MME: variants seen among roughly 807,000 people sequenced by gnomAD.
The protein encoded by MME is neprilysin.
A neutral mutation model predicts 113.2 loss-of-function variants in MME; 98 were observed. That is an observed-to-expected ratio of 0.87 (90% CI 0.74 to 1.02). The LOEUF (loss-of-function observed/expected upper bound fraction) is 1.02. Among genes scored for constraint, MME ranks in the 50% least tolerant of loss-of-function variants. The probability of loss-of-function intolerance (pLI) is 0.00; values close to 1 mark genes in which losing one functional copy is unlikely to be tolerated. For synonymous variants in MME, 292 were observed against 300.6 expected (o/e 0.97, Z 0.30); for missense variants, 836 against 896.0 (o/e 0.93, Z 0.86).
intron 1 of MME, among the ~76,000 whole-genome samples, chr3:155,028,065 T>G (rs1431999602): frequency 4.6e-5 from 7 of 152,160 alleles, no homozygotes; most frequent in Admixed American, 4.6e-4. Flanking sequence ...GGGAATGGAC[T>G]CAGTGAAAGG....
chr3:155,183,436 C>G lies in MME; in HGVS notation c.*2977C>G, dbSNP rs1275733389. 1.3e-5 allele frequency: 2 copies of G among 152,162 alleles called. No individual in the cohort carries two copies. Among genetic ancestry groups the G allele is most frequent in the Non-Finnish European group, 2.9e-5 (2 of 68,036 alleles). The allele number at this position is 152,162 out of a possible 1,614,324, so 9.4% of individuals were successfully genotyped here. The stretch of plus-strand genomic sequence containing the variant: ...ATTTACGTGTCTGAATCGAGTGAGA[C>G]AAAATTTTAGTCCAAATAACAAGTA... On this transcript the variant is annotated 3_prime_UTR_variant, in exon 23 of 23. Coordinates refer to ENST00000360490, the MANE Select transcript of MME (RefSeq NM_007289.4).
At chr3:155,048,461 T>C (rs1457782097) in intron 1 of MME, among the ~76,000 whole-genome samples, 1 of 152,152 alleles carries the variant, frequency 6.6e-6, no homozygotes, top group Non-Finnish European at 1.5e-5. Context: ...TGGGTTGTAG[T>C]AGGATTATTT....
In MME at chr3:155,115,071, T is replaced by C. The variant is rs1427426772; in HGVS notation, c.274T>C (p.Leu92=). 2 of 1,614,166 alleles carry C rather than the reference T, an allele frequency of 1.2e-6. No individual in the cohort carries two copies. The highest frequency in any genetic ancestry group is 1.3e-5 in the African/African-American group (1 of 75,048). The change falls in exon 4 of 23, where the codon TTG becomes CTG. Residue 92 remains leucine, a synonymous_variant. Transcript: ENST00000360490. ...DFFKYACGGW[L]KRNVIPETSS... ...TTTCAAATATGCTTGCGGAGGCTGG[T>C]TGAAACGTAATGTCATTCCCGAGAC...
rs1720959160 is a variant in MME at position 155,140,253 on chromosome 3, C to T, written c.918C>T (p.Ala306=). Reference sequence around the variant, plus strand: ...TTCTGTATAACAAGATGACATTGGCCCAGATCCAAAATAACTTTTCACTAG... The same window carrying T: ...TTCTGTATAACAAGATGACATTGGCTCAGATCCAAAATAACTTTTCACTAG... ...PMLLYNKMTL[A]QIQNNFSLEI... is the part of the protein sequence containing the mutation. The change falls in exon 10 of 23, where the codon GCC becomes GCT. Residue 306 remains alanine, a synonymous_variant. Transcript: ENST00000360490. 8.7e-6 allele frequency: 14 copies of T among 1,612,642 alleles called. No individual in the cohort carries two copies. Among genetic ancestry groups the T allele is most frequent in the Non-Finnish European group, 1.2e-5 (14 of 1,179,198 alleles).
At chr3:155,086,952 C>T (rs1715787065) in intron 3 of MME, among the ~76,000 whole-genome samples, 1 of 151,804 alleles carries the variant, frequency 6.6e-6, no homozygotes, top group Non-Finnish European at 1.5e-5. Flanking sequence ...CTATAGGCAC[C>T]TGCCACCATT....
intron 8 of MME, among the ~76,000 whole-genome samples, chr3:155,133,109 A>G (rs1487334255): frequency 2.1e-5 from 3 of 143,214 alleles, no homozygotes; most frequent in Non-Finnish European, 4.6e-5. Flanking sequence ...AATCATGACA[A>G]TTATCATCAT....
chr3:155,028,576 G>A (rs1222610502), intron 1 of MME, among the ~76,000 whole-genome samples: 1 of 152,142 alleles, frequency 6.6e-6, no homozygotes, highest in Non-Finnish European at 1.5e-5. Flanking sequence ...ATAGATGGAG[G>A]AACAGATCAT....
chr3:155,167,637 G>A (rs1723202738), intron 18 of MME, among the ~76,000 whole-genome samples: 3 of 152,148 alleles, frequency 2.0e-5, no homozygotes, highest in African/African-American at 7.2e-5. Context: ...ATGGAAAGTA[G>A]AGAACAATAG....
chr3:155,046,324 A>G (rs1262555354), intron 1 of MME, among the ~76,000 whole-genome samples: 1 of 152,234 alleles, frequency 6.6e-6, no homozygotes, highest in Admixed American at 6.5e-5. Flanking sequence ...CTTGTGCCAC[A>G]TAATGACATT....
intron 1 of MME, among the ~76,000 whole-genome samples, chr3:155,047,501 A>G (rs1331833859): frequency 6.6e-6 from 1 of 152,186 alleles, no homozygotes; most frequent in Non-Finnish European, 1.5e-5. Flanking sequence ...AATAGTACTT[A>G]TCACCTCTAA....
rs61760458 is a variant in MME, at chr3:155,181,552, G to A, written c.*1093G>A. On this transcript the variant is annotated 3_prime_UTR_variant, in exon 23 of 23. Coordinates refer to ENST00000360490, the MANE Select transcript of MME (RefSeq NM_007289.4). ...TGTCTTTTCAGGTTTGTCATCAGATGGAAATATTTTGATAATAAATTGAAA... is the reference window on the plus strand; with the variant it reads ...TGTCTTTTCAGGTTTGTCATCAGATAGAAATATTTTGATAATAAATTGAAA... 6.6e-6 allele frequency: 1 copy of A among 152,060 alleles called. No homozygotes were observed. The highest frequency in any genetic ancestry group is 1.5e-5 in the Non-Finnish European group (1 of 68,018). The allele number at this position is 152,060 out of a possible 1,614,324, so 9.4% of individuals were successfully genotyped here. A position where few individuals can be genotyped will look rare whatever the true frequency, so the allele number is the denominator to read the frequency against.
chr3:155,043,186 T>G (rs2108122316), intron 1 of MME, among the ~76,000 whole-genome samples: 1 of 151,248 alleles, frequency 6.6e-6, no homozygotes. Flanking sequence ...TTATCCAACT[T>G]TTCTTACAGT....
At chr3:155,032,003 C>A (rs10513467) in intron 1 of MME, among the ~76,000 whole-genome samples, 4 of 152,092 alleles carry the variant, frequency 2.6e-5, no homozygotes, top group African/African-American at 7.2e-5. Context: ...ACTAATGTAG[C>A]TATTTCCAAG....
rs1315131356 is a variant in MME, at chr3:155,182,759, C to G, written c.*2300C>G. 2 of 152,234 alleles carry G rather than the reference C, an allele frequency of 1.3e-5. No individual in the cohort carries two copies. The highest frequency in any genetic ancestry group is 2.9e-5 in the Non-Finnish European group (2 of 68,052). 9.4% of individuals were successfully genotyped at this position (152,234 alleles called of 1,614,324 possible). On this transcript the variant is annotated 3_prime_UTR_variant, in exon 23 of 23. Coordinates refer to ENST00000360490, the MANE Select transcript of MME (RefSeq NM_007289.4). ...CTCCCATCCCTATGGAGGAACAACT[C>G]TCCAGTGCCTGGATCCCCTCTGTCT...
intron 3 of MME, among the ~76,000 whole-genome samples, chr3:155,103,002 T>A (rs1717388543): frequency 6.6e-6 from 1 of 152,184 alleles, no homozygotes; most frequent in Non-Finnish European, 1.5e-5. Context: ...AGAACCTGAC[T>A]CAAATATTTG....
intron 8 of MME, among the ~76,000 whole-genome samples, chr3:155,130,606 G>T (rs973274766): frequency 6.6e-5 from 10 of 152,160 alleles, no homozygotes; most frequent in Non-Finnish European, 2.9e-5. Context: ...CCCAGAGTCT[G>T]TGCTCCTAGA....
At chr3:155,142,680 C>T (rs1256294366) in intron 12 of MME, among the ~76,000 whole-genome samples, 1 of 152,134 alleles carries the variant, frequency 6.6e-6, no homozygotes, top group East Asian at 1.9e-4. Flanking sequence ...TTCAGGTGCT[C>T]ATTGCACACT....
Position 155,024,835 on chromosome 3 carries a change from A to G in MME, c.-11+511A>G, listed in dbSNP as rs1027844355. Among the ~76,000 whole-genome samples the G allele has an allele frequency of 5.9e-5, 9 of 152,332 alleles. No homozygotes were observed. The South Asian group carries it at 1.2e-3, about 21-fold the overall frequency. On this transcript the variant is annotated intron_variant, in intron 1 of 22. Transcript: ENST00000492661. The stretch of plus-strand genomic sequence containing the variant: ...TATATGAATGCAGAAAATGTCTACA[A>G]TGAAAAATAAAAATGGTCCTGCCTA...
At position 155,151,073 on chromosome 3, in the gene MME, TA is replaced by T. The variant is rs142702408; in HGVS notation, c.1601+2431del. On this transcript the variant is annotated intron_variant, in intron 16 of 22. Transcript: ENST00000360490. ...CTGGGCGACAGAGCAAGAATCCGTC[TA>T]AAAAAAAAAATGTAATAAAGTCATT... Among the ~76,000 whole-genome samples the T allele has an allele frequency of 3.0e-3, 444 of 147,434 alleles. 1 individual carries two copies. The highest frequency in any genetic ancestry group is 8.7e-3 in the African/African-American group (354 of 40,464).
Sources: gnomAD v4.1 joint callset for allele counts (sites outside exome capture counted in the v4.1 genomes callset) on GRCh38, gnomAD v4.1.1 for gene constraint, MANE v1.5 for transcripts, NCBI Gene and HGNC (gene_info 2026-07-23, HGNC 2026-07-21) for gene names.